SDHAF3: variants seen among roughly 807,000 people sequenced by gnomAD.
SDHAF3 encodes the protein succinate dehydrogenase assembly factor 3, mitochondrial.
In SDHAF3, 18 loss-of-function variants were observed where a neutral mutation model predicts 11.5. That is an observed-to-expected ratio of 1.56 (90% CI 1.08 to 2.32). The LOEUF is 2.32. Among genes scored for constraint, SDHAF3 ranks in the 30% most tolerant of loss-of-function variants. SDHAF3 has a pLI of 0.00. For synonymous variants in SDHAF3, 72 were observed against 59.3 expected (o/e 1.21, Z -0.99); for missense variants, 200 against 154.4 (o/e 1.30, Z -1.57).
At chr7:97,152,873 G>A (rs147267825) in intron 1 of SDHAF3, among the ~76,000 whole-genome samples, 10 of 152,220 alleles carry the variant, frequency 6.6e-5, no homozygotes, top group Admixed American at 3.9e-4. Context: ...GGCCAGTCTT[G>A]AACTCCTGAC....
chr7:97,158,215 C>T (rs1361555718), intron 1 of SDHAF3, among the ~76,000 whole-genome samples: 4 of 152,052 alleles, frequency 2.6e-5, no homozygotes, highest in African/African-American at 7.2e-5. Context: ...TTTTAGCAGG[C>T]TAACAGTTAC....
At chr7:97,176,979 G>A (rs1354336307) in intron 1 of SDHAF3, among the ~76,000 whole-genome samples, 1 of 151,924 alleles carries the variant, frequency 6.6e-6, no homozygotes, top group Non-Finnish European at 1.5e-5. Flanking sequence ...AGGTAATCAG[G>A]ATCCTGATGT....
At chr7:97,136,965 C>G (rs1360137745) in intron 1 of SDHAF3, among the ~76,000 whole-genome samples, 3 of 151,776 alleles carry the variant, frequency 2.0e-5, no homozygotes, top group Non-Finnish European at 4.4e-5. Context: ...AAATGTGATT[C>G]CTATTGTGTA....
At chr7:97,118,386 A>C (rs1468822573) in intron 1 of SDHAF3, among the ~76,000 whole-genome samples, 1 of 152,210 alleles carries the variant, frequency 6.6e-6, no homozygotes, top group Non-Finnish European at 1.5e-5. Flanking sequence ...AACATGAAAA[A>C]GATTACAAAA....
intron 1 of SDHAF3, among the ~76,000 whole-genome samples, chr7:97,142,371 A>G (rs1368268236): frequency 1.3e-5 from 2 of 152,078 alleles, no homozygotes; most frequent in African/African-American, 4.8e-5. Context: ...AGTGTTTATA[A>G]AGATTAATAA....
chr7:97,179,579 G>T (rs1235018306), intron 1 of SDHAF3, among the ~76,000 whole-genome samples: 2 of 151,638 alleles, frequency 1.3e-5, no homozygotes, highest in African/African-American at 2.4e-5. Context: ...TGCCTTGCCA[G>T]GAAACCTTTG....
intron 1 of SDHAF3, among the ~76,000 whole-genome samples, chr7:97,145,669 A>G (rs905509386): frequency 1.8e-4 from 28 of 152,216 alleles, no homozygotes; most frequent in African/African-American, 6.8e-4. Flanking sequence ...TGTGTTACCT[A>G]GAATTTTGAA....
At chr7:97,168,470 C>A (rs1165812873) in intron 1 of SDHAF3, among the ~76,000 whole-genome samples, 8 of 152,198 alleles carry the variant, frequency 5.3e-5, no homozygotes, top group African/African-American at 1.7e-4. Flanking sequence ...AAAGTTAATT[C>A]AACCTGTGCC....
intron 1 of SDHAF3, among the ~76,000 whole-genome samples, chr7:97,120,383 T>C (rs1791472894): frequency 1.3e-5 from 2 of 152,142 alleles, no homozygotes; most frequent in South Asian, 4.1e-4. Context: ...AACTGGTCTT[T>C]TTGAAAGAGT....
At chr7:97,126,684 T>C (rs79796291) in intron 1 of SDHAF3, among the ~76,000 whole-genome samples, 16,272 of 152,030 alleles carry the variant, frequency 0.11, 878 homozygotes, top group Middle Eastern at 0.16. Flanking sequence ...ACTTCAGACT[T>C]GTGCTGGCAG....
intron 1 of SDHAF3, among the ~76,000 whole-genome samples, chr7:97,164,567 G>A (rs1030516477): frequency 3.3e-5 from 5 of 151,332 alleles, no homozygotes; most frequent in African/African-American, 1.2e-4. Context: ...GTAGAGATGG[G>A]TTTCTCCATG....
At position 97,161,670 on chromosome 7, in the gene SDHAF3, G is replaced by A. The variant is rs940126387; in HGVS notation, c.175-19342G>A. Among the ~76,000 whole-genome samples, 7 of 152,024 alleles carry A rather than the reference G, an allele frequency of 4.6e-5. No homozygotes were observed. The East Asian group carries it at 5.8e-4, about 13-fold the overall frequency. On this transcript the variant is annotated intron_variant, in intron 1 of 1. Coordinates refer to ENST00000432641, the MANE Select transcript of SDHAF3 (RefSeq NM_020186.3). ...CTCCTTGTTCATCTCCCACTTATGA[G>A]TGAGAACATGTGGTGTTTGGTTTTC...
chr7:97,175,215 G>A (rs1041712018), intron 1 of SDHAF3, among the ~76,000 whole-genome samples: 5 of 152,098 alleles, frequency 3.3e-5, no homozygotes, highest in Non-Finnish European at 7.4e-5. Flanking sequence ...TAAAATTGAA[G>A]TAATTTAAGA....
intron 1 of SDHAF3, among the ~76,000 whole-genome samples, chr7:97,141,480 T>C (rs1789040230): frequency 6.6e-6 from 1 of 152,128 alleles, no homozygotes; most frequent in South Asian, 2.1e-4. Flanking sequence ...CTCTCTTTTG[T>C]ACTCTTTCCC....
chr7:97,131,836 G>C (rs1791675455), intron 1 of SDHAF3, among the ~76,000 whole-genome samples: 1 of 152,140 alleles, frequency 6.6e-6, no homozygotes, highest in South Asian at 2.1e-4. Context: ...TTGCTGTGTT[G>C]CATATCTATA....
At position 97,117,763 on chromosome 7, in the gene SDHAF3, A is replaced by T; in HGVS notation, c.40A>T (p.Lys14Ter). 1.2e-6 allele frequency: 2 copies of T among 1,614,152 alleles called. No homozygotes were observed. Among genetic ancestry groups the T allele is most frequent in the South Asian group, 1.1e-5 (1 of 91,084 alleles). Reference sequence around the variant, plus strand: ...CGTTTCTCGAGTCCGGGCATTGTACAAGCGCGTCTTGCAGCTGCACCGTGT... The same window carrying T: ...CGTTTCTCGAGTCCGGGCATTGTACTAGCGCGTCTTGCAGCTGCACCGTGT... ...RHVSRVRALY[K>*]RVLQLHRVLP... The change falls in exon 1 of 2, where the codon AAG (lysine) becomes TAG (stop). Residue 14 changes from lysine (K) to a stop codon, truncating the protein, a stop_gained. Coordinates refer to ENST00000432641, the MANE Select transcript of SDHAF3 (RefSeq NM_020186.3). LOFTEE classifies it high-confidence loss of function.
chr7:97,169,208 C>T (rs1173141584), intron 1 of SDHAF3, among the ~76,000 whole-genome samples: 1 of 152,064 alleles, frequency 6.6e-6, no homozygotes, highest in Non-Finnish European at 1.5e-5. Flanking sequence ...CGCCTGTAAT[C>T]CCAGGTACTT....
At chr7:97,172,824 A>G (rs759083847) in intron 1 of SDHAF3, among the ~76,000 whole-genome samples, 1 of 152,220 alleles carries the variant, frequency 6.6e-6, no homozygotes, top group Non-Finnish European at 1.5e-5. Context: ...AAAAATTATT[A>G]TAATAAGATG....
chr7:97,149,884 A>T (rs78772852), intron 1 of SDHAF3, among the ~76,000 whole-genome samples: 1,861 of 152,342 alleles, frequency 0.012, 40 homozygotes, highest in African/African-American at 0.042. Flanking sequence ...TATGCACAGT[A>T]GTCATTTTTT....
Sources: gnomAD v4.1 joint callset for allele counts (sites outside exome capture counted in the v4.1 genomes callset) on GRCh38, gnomAD v4.1.1 for gene constraint, MANE v1.5 for transcripts, NCBI Gene and HGNC (gene_info 2026-07-23, HGNC 2026-07-21) for gene names.